The following FBXO41 variants were observed in gnomAD, a reference collection of about 807,000 sequenced individuals.
The protein encoded by FBXO41 is F-box only protein 41.
A neutral mutation model predicts 81.6 loss-of-function variants in FBXO41; 33 were observed. The observed-to-expected ratio is 0.40, with a 90% CI of 0.31 to 0.54. The LOEUF is 0.54. Among genes scored for constraint, FBXO41 ranks in the 20% least tolerant of loss-of-function variants. The pLI, the probability that FBXO41 is intolerant of heterozygous loss-of-function variation, is 0.39. For synonymous variants in FBXO41, 576 were observed against 552.7 expected, an observed-to-expected ratio of 1.04 and a Z score of -0.59; for missense variants, 1,107 against 1,236.0, an observed-to-expected ratio of 0.90 and a Z score of 1.56.
At chr2:73,282,611 G>A (rs2103922999) in intron 1 of FBXO41, among the ~76,000 whole-genome samples, 1 of 152,166 alleles carries the variant, frequency 6.6e-6, no homozygotes, top group East Asian at 1.9e-4. Flanking sequence ...ACTGAGGTGG[G>A]AGGATTGCTT....
chr2:73,273,458 T>C (rs1434205480), intron 1 of FBXO41, among the ~76,000 whole-genome samples: 1 of 152,176 alleles, frequency 6.6e-6, no homozygotes, highest in Admixed American at 6.5e-5. Flanking sequence ...TTGAGAACCA[T>C]TGCCTGCACT....
Position 73,259,242 on chromosome 2 carries a change from A to G in FBXO41, c.2504T>C (p.Phe835Ser). 6.2e-7 allele frequency: 1 copy of G among 1,613,970 alleles called. No homozygotes were observed. Among genetic ancestry groups the G allele is most frequent in the Non-Finnish European group, 8.5e-7 (1 of 1,179,894 alleles). ...GGCCTCAGGGCTGCTGGGCTCTTTG[A>G]AATAATCCGCAATCCCAATCTGGAC... Reference protein sequence around the residue: ...IVVQIGIADYFKEPSSPEAQK... With the variant: ...IVVQIGIADYSKEPSSPEAQK... Residue 835 changes from phenylalanine (F) to serine (S), a missense_variant, in exon 12 of 13, where the codon TTC becomes TCC. This residue lies in a region of FBXO41 where 336 missense variants were observed against 446.7 expected (regional missense o/e 0.75). Coordinates refer to ENST00000520530, the MANE Select transcript of FBXO41 (RefSeq NM_001371389.2). This position sits in a 1 kb window ranked among gnomAD's most constrained non-coding sequence, Gnocchi z 4.2.
chr2:73,254,935 C>T lies in FBXO41; in HGVS notation c.*4047G>A, dbSNP rs1687751528. 1 of 152,714 alleles carries T rather than the reference C, an allele frequency of 6.5e-6. No homozygotes were observed. The highest frequency in any genetic ancestry group is 2.1e-4 in the South Asian group (1 of 4,832). The allele number at this position is 152,714 out of a possible 1,614,324, so 9.5% of individuals were successfully genotyped here. On this transcript the variant is annotated 3_prime_UTR_variant, in exon 13 of 13. Coordinates refer to ENST00000520530, the MANE Select transcript of FBXO41 (RefSeq NM_001371389.2). ...AATAAAACCAAAAATTGCTCTCCAC[C>T]CCTCTGCCTGTGCTTGGGGCTGGGG...
Position 73,269,465 on chromosome 2 carries a change from C to CAG in FBXO41, c.165_166insCT (p.Ala56LeufsTer168). 7.9e-7 allele frequency: 1 copy of CAG among 1,260,788 alleles called. No homozygotes were observed. Among genetic ancestry groups the CAG allele is most frequent in the East Asian group, 3.6e-5 (1 of 27,582 alleles). The allele number at this position is 1,260,788 out of a possible 1,614,324, so 78.1% of individuals were successfully genotyped here. A position where few individuals can be genotyped will look rare whatever the true frequency, so the allele number is the denominator to read the frequency against. ...AACCCCGAGGCAGCGGCGGCGGCGG[C>CAG]CGCGGCGGCGGCGGCGCCGTCGCAG... On this transcript the variant is annotated frameshift_variant, in exon 2 of 13. Transcript: ENST00000520530. LOFTEE classifies it high-confidence loss of function. The surrounding 1 kb of genome is among the most constrained non-coding windows in gnomAD (Gnocchi z 7.0).
chr2:73,269,467 G>A lies in FBXO41; in HGVS notation c.164C>T (p.Ala55Val). The A allele has an allele frequency of 1.6e-6, 2 of 1,244,900 alleles. No individual in the cohort carries two copies. The highest frequency in any genetic ancestry group is 2.0e-6 in the Non-Finnish European group (2 of 991,706). 77.1% of individuals were successfully genotyped at this position (1,244,900 alleles called of 1,614,324 possible). The part of the protein sequence containing the change: ...NSICDGAAAA[A>V]AAAAAASGFP... ...CCCCGAGGCAGCGGCGGCGGCGGCC[G>A]CGGCGGCGGCGGCGCCGTCGCAGAT... The change falls in exon 2 of 13, where the codon GCG (alanine) becomes GTG (valine). Residue 55 changes from alanine to valine, a missense_variant. Physicochemically the swap from Ala to Val is moderately conservative, Grantham distance 64. Around this residue, in one of 2 missense-constraint regions of FBXO41, gnomAD observed 771 missense variants for 789.2 expected, o/e 0.98. Coordinates refer to ENST00000520530, the MANE Select transcript of FBXO41 (RefSeq NM_001371389.2). The surrounding 1 kb of genome is among the most constrained non-coding windows in gnomAD (Gnocchi z 7.0).
chr2:73,270,787 T>C (rs763133234), intron 1 of FBXO41: 1 of 533,932 alleles, frequency 1.9e-6, no homozygotes, highest in South Asian at 1.4e-5. Context: ...TTGTCACTCT[T>C]CTCCTACCTT....
rs190255734 is a variant in FBXO41, at chr2:73,265,857, G to A, written c.1205+36C>T. ...GCCAGCGGATCCTTCCAGGGTGAGG[G>A]TGGGCTGCATGGGGTGGGCTGGGCC... On this transcript the variant is annotated intron_variant, in intron 4 of 12. Transcript: ENST00000520530. 574 of 1,557,214 alleles carry A rather than the reference G, an allele frequency of 3.7e-4. 1 individual carries two copies. The African/African-American group carries it at 4.8e-3, about 13-fold the overall frequency.
rs1481808484 is a variant in FBXO41 at position 73,260,058 on chromosome 2, C to A, written c.2449+331G>T. 6.6e-6 allele frequency among the ~76,000 whole-genome samples: 1 copy of A among 152,046 alleles called. No homozygotes were observed. Among genetic ancestry groups the A allele is most frequent in the East Asian group, 1.9e-4 (1 of 5,180 alleles). ...ATCTGGAGTCCAGGGAGAGAGGAGT[C>A]TTCACCCTGAGAACTGTCCTTGGGG... On this transcript the variant is annotated intron_variant, in intron 11 of 12. Transcript: ENST00000520530. The surrounding 1 kb of genome is among the most constrained non-coding windows in gnomAD (Gnocchi z 5.0).
chr2:73,281,834 C>T (rs1688854631), intron 1 of FBXO41, among the ~76,000 whole-genome samples: 1 of 152,184 alleles, frequency 6.6e-6, no homozygotes, highest in South Asian at 2.1e-4. Flanking sequence ...TCTGTTACAA[C>T]CTAATGAATA....
At position 73,269,329 on chromosome 2, in the gene FBXO41, G is replaced by A. The variant is rs1490830406; in HGVS notation, c.302C>T (p.Ala101Val). Residue 101 changes from alanine to valine, a missense_variant, in exon 2 of 13, where the codon GCG becomes GTG. Coordinates refer to ENST00000520530, the MANE Select transcript of FBXO41 (RefSeq NM_001371389.2). This position sits in a 1 kb window ranked among gnomAD's most constrained non-coding sequence, Gnocchi z 7.0. ...GTGGTGGTGCAGCAGGTGCGGCGCC[G>A]CGGGCGACGGCCCGGCCGCCTGCTC... is the stretch of plus-strand genomic sequence containing the variant. ...GKEQAAGPSP[A>V]APHLLHHHHH... 1 of 1,523,500 alleles carries A rather than the reference G, an allele frequency of 6.6e-7. No individual in the cohort carries two copies. 94.4% of individuals were successfully genotyped at this position (1,523,500 alleles called of 1,614,324 possible).
At chr2:73,267,979 G>GT (rs769351520) in intron 2 of FBXO41, among the ~76,000 whole-genome samples, 45 of 152,154 alleles carry the variant, frequency 3.0e-4, no homozygotes, top group Non-Finnish European at 5.4e-4. Context: ...TCAAACCATT[G>GT]TAAGTCAGGG....
intron 1 of FBXO41, among the ~76,000 whole-genome samples, chr2:73,273,404 G>A (rs184222357): frequency 2.3e-4 from 35 of 152,234 alleles, no homozygotes; most frequent in African/African-American, 7.5e-4. Context: ...TTTGCTGCCC[G>A]GCTCTAGTCC....
At chr2:73,270,846 G>A (rs560375138) in intron 1 of FBXO41, 1 of 534,434 alleles carries the variant, frequency 1.9e-6, no homozygotes, top group Admixed American at 1.9e-5. Context: ...CTAACTGCCT[G>A]CAATAGGGCT....
rs1003280425 is a variant in FBXO41, at chr2:73,258,953, G to C, written c.*29C>G. The C allele has an allele frequency of 7.1e-6, 11 of 1,554,470 alleles. No individual in the cohort carries two copies. In the African/African-American group the frequency reaches 1.5e-4, roughly 21 times the overall value. On this transcript the variant is annotated 3_prime_UTR_variant, in exon 13 of 13. Coordinates refer to ENST00000520530, the MANE Select transcript of FBXO41 (RefSeq NM_001371389.2). Reference sequence around the variant, plus strand: ...AAAGAGAGTGCCCTGGTGTGGGGCTGGCAGGGGCCCTGCCGCCCCCTACCC... The same window carrying C: ...AAAGAGAGTGCCCTGGTGTGGGGCTCGCAGGGGCCCTGCCGCCCCCTACCC...
chr2:73,283,541 T>C (rs1688907697), intron 1 of FBXO41, among the ~76,000 whole-genome samples: 1 of 152,196 alleles, frequency 6.6e-6, no homozygotes, highest in Non-Finnish European at 1.5e-5. Context: ...CAGTACTCGC[T>C]GGCCGACTGT....
intron 2 of FBXO41, among the ~76,000 whole-genome samples, chr2:73,268,107 C>T (rs1688333635): frequency 6.6e-6 from 1 of 152,158 alleles, no homozygotes; most frequent in African/African-American, 2.4e-5. Flanking sequence ...TGTCAGGGAT[C>T]AGCTATGTCA....
chr2:73,268,707 GC>G lies in FBXO41; in HGVS notation c.905+18del. ...CCGCACAGGCACAACCACTCACAGG[GC>G]CCCGAGGGTCTACTCACTGCTGCTT... On this transcript the variant is annotated intron_variant, in intron 2 of 12. Transcript: ENST00000520530. 6.6e-7 allele frequency: 1 copy of G among 1,504,322 alleles called. No individual in the cohort carries two copies. The allele number at this position is 1,504,322 out of a possible 1,614,324, so 93.2% of individuals were successfully genotyped here.
chr2:73,262,800 C>T (rs562827300), intron 9 of FBXO41, among the ~76,000 whole-genome samples: 4 of 152,324 alleles, frequency 2.6e-5, no homozygotes, highest in African/African-American at 9.6e-5. Context: ...GGCTGGAGTG[C>T]AATGGCACGA....
chr2:73,270,831 T>G (rs760546746), intron 1 of FBXO41: 7 of 534,370 alleles, frequency 1.3e-5, no homozygotes, highest in Non-Finnish European at 2.3e-5. Context: ...ACTGCCATCC[T>G]CTTCCTAACT....
Sources: allele counts gnomAD v4.1 joint callset (sites outside exome capture counted in the v4.1 genomes callset), GRCh38; gene constraint gnomAD v4.1.1; regional missense constraint gnomAD v4.1.1; non-coding constraint Gnocchi (gnomAD v3.1); transcripts MANE v1.5; gene names NCBI Gene and HGNC (gene_info 2026-07-23, HGNC 2026-07-21).